WDR25: variants seen among roughly 807,000 people sequenced by gnomAD.
WDR25 encodes the protein WD repeat-containing protein 25.
In WDR25, 35 loss-of-function variants were observed where a neutral mutation model predicts 47.7. The observed-to-expected ratio is 0.73, with a 90% CI of 0.56 to 0.97. WDR25 has a LOEUF of 0.97. WDR25 is among the 50% of genes least tolerant of loss of function. The pLI is 0.00. For missense variants in WDR25, 634 were observed against 704.7 expected, an observed-to-expected ratio of 0.90 and a Z score of 1.14; for synonymous variants, 248 against 278.9, an observed-to-expected ratio of 0.89 and a Z score of 1.10.
chr14:100,379,948 G>A (rs1448583868), intron 1 of WDR25, among the ~76,000 whole-genome samples: 2 of 150,184 alleles, frequency 1.3e-5, no homozygotes, highest in Non-Finnish European at 1.5e-5. Context: ...CACTATGTTG[G>A]CCAGGCTGCT....
intron 4 of WDR25, among the ~76,000 whole-genome samples, chr14:100,492,387 T>C (rs1193882991): frequency 6.6e-6 from 1 of 152,194 alleles, no homozygotes; most frequent in Non-Finnish European, 1.5e-5. Context: ...AGACCCCTGT[T>C]TAAAACCCAT....
rs557196581 is a variant in WDR25 at position 100,525,028 on chromosome 14, C to T, written c.1102-842C>T. On this transcript the variant is annotated intron_variant, in intron 4 of 6. Transcript: ENST00000402312. The surrounding 1 kb of genome is among the most constrained non-coding windows in gnomAD (Gnocchi z 4.6). ...TGTTTATGCTGCAGCCACATGGTGG[C>T]GGCCCAGGAACTGGTAAAGGGACCG... is the stretch of plus-strand genomic sequence containing the variant. 2.6e-4 allele frequency among the ~76,000 whole-genome samples: 39 copies of T among 152,332 alleles called. No individual in the cohort carries two copies. In the East Asian group the frequency reaches 5.0e-3, roughly 20 times the overall value.
At chr14:100,490,049 C>T (rs1900511395) in intron 4 of WDR25, among the ~76,000 whole-genome samples, 1 of 152,144 alleles carries the variant, frequency 6.6e-6, no homozygotes, top group Non-Finnish European at 1.5e-5. Flanking sequence ...GTTTCTTGAC[C>T]TCCTTCTCTA....
chr14:100,524,554 C>T (rs1465593132), intron 4 of WDR25, among the ~76,000 whole-genome samples: 3 of 152,036 alleles, frequency 2.0e-5, no homozygotes, highest in Non-Finnish European at 4.4e-5. Context: ...TTTTTTTCCA[C>T]CCCTGGATCA....
intron 2 of WDR25, among the ~76,000 whole-genome samples, chr14:100,459,894 G>GTGTGTATA (rs1172584092): frequency 1.1e-4 from 9 of 78,276 alleles, no homozygotes; most frequent in African/African-American, 1.4e-4. Context: ...GTGTGTGTGT[G>GTGTGTATA]TATATATATA....
chr14:100,491,370 A>G (rs1566935424), intron 4 of WDR25, among the ~76,000 whole-genome samples: 2 of 152,358 alleles, frequency 1.3e-5, no homozygotes, highest in East Asian at 1.9e-4. Context: ...TTAGTCTTGA[A>G]TGAACATACA....
chr14:100,461,263 AG>A (rs771611339), intron 2 of WDR25, among the ~76,000 whole-genome samples: 6 of 152,212 alleles, frequency 3.9e-5, no homozygotes, highest in Non-Finnish European at 7.3e-5. Context: ...TATTTTAAAA[AG>A]CTTCTAGTAC....
intron 4 of WDR25, among the ~76,000 whole-genome samples, chr14:100,485,257 C>T (rs1000627980): frequency 4.6e-5 from 7 of 152,150 alleles, no homozygotes; most frequent in Admixed American, 1.3e-4. Context: ...CACTAGCATC[C>T]GCTAGTCCCC....
chr14:100,387,440 A>T (rs558548623), intron 2 of WDR25, among the ~76,000 whole-genome samples: 1 of 152,272 alleles, frequency 6.6e-6, no homozygotes, highest in African/African-American at 2.4e-5. Flanking sequence ...CTTTTCATGT[A>T]CTGAACACTT....
chr14:100,472,424 C>G (rs974546186), intron 3 of WDR25, among the ~76,000 whole-genome samples: 1 of 152,252 alleles, frequency 6.6e-6, no homozygotes, highest in African/African-American at 2.4e-5. Flanking sequence ...TACCACACCA[C>G]CTGGTGCTGG....
At chr14:100,480,471 A>G (rs1351885215) in intron 3 of WDR25, among the ~76,000 whole-genome samples, 4 of 152,190 alleles carry the variant, frequency 2.6e-5, no homozygotes, top group Admixed American at 2.6e-4. Flanking sequence ...GATACTAGAA[A>G]AAAAAGATCA....
intron 3 of WDR25, among the ~76,000 whole-genome samples, chr14:100,478,096 A>T (rs1900078291): frequency 2.1e-5 from 2 of 97,148 alleles, no homozygotes; most frequent in Non-Finnish European, 4.3e-5. Flanking sequence ...GTCTCAAAAA[A>T]ACAAAACAAA....
chr14:100,437,644 T>G lies in WDR25; in HGVS notation c.823-30377T>G, dbSNP rs557192341. 8.3e-4 allele frequency among the ~76,000 whole-genome samples: 127 copies of G among 152,268 alleles called. 2 individuals carry two copies. The highest frequency in any genetic ancestry group is 9.9e-4 in the Non-Finnish European group (67 of 68,020). Reference sequence around the variant, plus strand: ...TGGGCATTGGTTGCCATTATTATTATTAGTATTATTACTAGTATTATTAGT... The same window carrying G: ...TGGGCATTGGTTGCCATTATTATTAGTAGTATTATTACTAGTATTATTAGT... On this transcript the variant is annotated intron_variant, in intron 2 of 6. Coordinates refer to ENST00000402312, the MANE Select transcript of WDR25 (RefSeq NM_001161476.3).
intron 2 of WDR25, chr14:100,454,550 T>C (rs1899140362): frequency 2.3e-6 from 2 of 864,260 alleles, no homozygotes; most frequent in African/African-American, 1.7e-5. Context: ...CCTGAAGGTA[T>C]TGGAGAGCAA....
intron 3 of WDR25, among the ~76,000 whole-genome samples, chr14:100,472,651 A>C (rs1249906611): frequency 6.6e-6 from 1 of 152,168 alleles, no homozygotes; most frequent in Non-Finnish European, 1.5e-5. Context: ...TGGTCCCCTC[A>C]GTGAGCTTAC....
At chr14:100,396,664 G>A (rs1897266674) in intron 2 of WDR25, among the ~76,000 whole-genome samples, 1 of 152,236 alleles carries the variant, frequency 6.6e-6, no homozygotes, top group Admixed American at 6.5e-5. Flanking sequence ...TTAGCTTCTT[G>A]TCTCAGCTGC....
chr14:100,526,832 C>T (rs2030175367), intron 5 of WDR25, among the ~76,000 whole-genome samples: 1 of 115,288 alleles, frequency 8.7e-6, no homozygotes, highest in Non-Finnish European at 2.1e-5. Flanking sequence ...CTACCACCAC[C>T]AGTGTCATCA....
At chr14:100,377,963 C>T (rs1222589697) in intron 1 of WDR25, among the ~76,000 whole-genome samples, 1 of 152,000 alleles carries the variant, frequency 6.6e-6, no homozygotes, top group Non-Finnish European at 1.5e-5. Flanking sequence ...GTTGGGTGCA[C>T]TGGGTTTTCT....
chr14:100,457,284 A>G (rs977177567), intron 2 of WDR25, among the ~76,000 whole-genome samples: 2 of 152,298 alleles, frequency 1.3e-5, no homozygotes, highest in Admixed American at 6.5e-5. Context: ...TGTTAAGGGG[A>G]AAAAAACTTA....
Sources: allele counts gnomAD v4.1 joint callset (sites outside exome capture counted in the v4.1 genomes callset), GRCh38; gene constraint gnomAD v4.1.1; non-coding constraint Gnocchi (gnomAD v3.1); transcripts MANE v1.5; gene names NCBI Gene and HGNC (gene_info 2026-07-23, HGNC 2026-07-21).